Variants in COLEC12 observed in about 807,000 individuals in gnomAD.
COLEC12 encodes collectin-12.
COLEC12 carries 33 observed loss-of-function variants against 71.1 expected under a neutral mutation model. The observed-to-expected ratio is 0.46, with a 90% CI of 0.35 to 0.62. The LOEUF (loss-of-function observed/expected upper bound fraction) is 0.62. Among genes scored for constraint, COLEC12 ranks in the 20% least tolerant of loss-of-function variants. COLEC12 has a pLI of 0.00. For missense variants in COLEC12, 765 were observed against 916.1 expected (o/e 0.84, Z 2.13); for synonymous variants, 350 against 353.0 (o/e 0.99, Z 0.10).
At chr18:499,239 G>A (rs9962486) in intron 1 of COLEC12, among the ~76,000 whole-genome samples, 83,160 of 151,994 alleles carry the variant, frequency 0.55, 23,946 homozygotes, top group African/African-American at 0.72. Context: ...CTCTAGGTAG[G>A]CAGTTGTATC....
chr18:463,589 G>A (rs565856879), intron 2 of COLEC12, among the ~76,000 whole-genome samples: 58 of 152,230 alleles, frequency 3.8e-4, no homozygotes, highest in Middle Eastern at 6.8e-3. Context: ...GCGGGGGCTC[G>A]GCTCTGTTCT....
At chr18:376,664 C>G (rs952531526) in intron 2 of COLEC12, among the ~76,000 whole-genome samples, 14 of 152,256 alleles carry the variant, frequency 9.2e-5, no homozygotes, top group African/African-American at 3.1e-4. Flanking sequence ...TAAATGGGGA[C>G]ACGAGTTTCT....
At chr18:498,765 T>TG (rs1323068810) in intron 1 of COLEC12, among the ~76,000 whole-genome samples, 3 of 152,138 alleles carry the variant, frequency 2.0e-5, no homozygotes, top group Non-Finnish European at 4.4e-5. Flanking sequence ...GGAAAGTGTA[T>TG]GGGGCTTCTG....
chr18:480,771 A>C lies in COLEC12; in HGVS notation c.8-14T>G. 1 of 1,613,478 alleles carries C rather than the reference A, an allele frequency of 6.2e-7. No homozygotes were observed. Among genetic ancestry groups the C allele is most frequent in the Non-Finnish European group, 8.5e-7 (1 of 1,179,362 alleles). On this transcript the variant is annotated splice_polypyrimidine_tract_variant and intron_variant, in intron 1 of 9. Transcript: ENST00000400256. The surrounding 1 kb of genome is among the most constrained non-coding windows in gnomAD (Gnocchi z 4.1). The stretch of plus-strand genomic sequence containing the variant: ...CTGCGAAGTCGTCTGTGAGAGAAGA[A>C]GAGACACGATGTTAATCCTGGCAAG...
chr18:490,930 T>C (rs1917608534), intron 1 of COLEC12, among the ~76,000 whole-genome samples: 1 of 152,250 alleles, frequency 6.6e-6, no homozygotes, highest in East Asian at 1.9e-4. Flanking sequence ...TGAGTACCCA[T>C]TGGTTGCTCT....
At chr18:374,989 C>T (rs867963610) in intron 2 of COLEC12, among the ~76,000 whole-genome samples, 8 of 152,192 alleles carry the variant, frequency 5.3e-5, no homozygotes, top group Admixed American at 3.9e-4. Flanking sequence ...AGTACAATGT[C>T]GACAGTGGAG....
rs185219109 is a variant in COLEC12 at position 382,212 on chromosome 18, T to A, written c.59-24690A>T. Among the ~76,000 whole-genome samples, 652 of 152,336 alleles carry A rather than the reference T, an allele frequency of 4.3e-3. 10 individuals are homozygous for A. The highest frequency in any genetic ancestry group is 6.8e-3 in the Middle Eastern group (2 of 294). On this transcript the variant is annotated intron_variant, in intron 2 of 9. Coordinates refer to ENST00000400256, the MANE Select transcript of COLEC12 (RefSeq NM_130386.3). ...TTATTTCTAGGGCAAACTGTGTCTTTAAATTATCAAAATCTGCCTAATAAT... is the reference window on the plus strand; with the variant it reads ...TTATTTCTAGGGCAAACTGTGTCTTAAAATTATCAAAATCTGCCTAATAAT...
At chr18:488,487 A>C (rs1250466528) in intron 1 of COLEC12, among the ~76,000 whole-genome samples, 1 of 152,240 alleles carries the variant, frequency 6.6e-6, no homozygotes, top group Non-Finnish European at 1.5e-5. Context: ...AAGGGCTGGA[A>C]GATGGAGTCA....
At chr18:436,482 T>C (rs187944510) in intron 2 of COLEC12, among the ~76,000 whole-genome samples, 1 of 109,588 alleles carries the variant, frequency 9.1e-6, no homozygotes, top group Admixed American at 1.4e-4. Flanking sequence ...GCCATTGCAC[T>C]CCAGCCCAGG....
chr18:355,329 G>T (rs1373635672), intron 3 of COLEC12, among the ~76,000 whole-genome samples: 3 of 152,036 alleles, frequency 2.0e-5, no homozygotes, highest in Admixed American at 6.6e-5. Flanking sequence ...TTCGGGAGCT[G>T]CCATGTGTCT....
chr18:449,771 C>T (rs963362826), intron 2 of COLEC12, among the ~76,000 whole-genome samples: 3 of 152,194 alleles, frequency 2.0e-5, no homozygotes, highest in Non-Finnish European at 4.4e-5. Context: ...CCTCATGGGG[C>T]CCTTCTGACA....
intron 2 of COLEC12, among the ~76,000 whole-genome samples, chr18:411,039 AC>A (rs1423346237): frequency 1.3e-5 from 2 of 152,082 alleles, no homozygotes; most frequent in Non-Finnish European, 2.9e-5. Flanking sequence ...TAATGGAGCC[AC>A]CCCTACTGCG....
At chr18:334,622 T>C in intron 6 of COLEC12, 120 bp downstream of exon 6, 1 of 879,782 alleles carries the variant, frequency 1.1e-6, no homozygotes, top group South Asian at 3.3e-5. Flanking sequence ...AGTGAGACCC[T>C]GTCTCAAAAC....
intron 2 of COLEC12, among the ~76,000 whole-genome samples, chr18:456,927 C>CT (rs1476132487): frequency 6.6e-6 from 1 of 152,206 alleles, no homozygotes; most frequent in African/African-American, 2.4e-5. Flanking sequence ...GCCCCGTACT[C>CT]TGTCTCCTTG....
At chr18:456,538 C>T (rs966495907) in intron 2 of COLEC12, among the ~76,000 whole-genome samples, 3 of 152,168 alleles carry the variant, frequency 2.0e-5, no homozygotes, top group Non-Finnish European at 2.9e-5. Context: ...TCTGCGTTAC[C>T]GACGATCTGT....
intron 8 of COLEC12, among the ~76,000 whole-genome samples, chr18:329,863 A>G (rs1054449677): frequency 1.3e-5 from 2 of 152,166 alleles, no homozygotes; most frequent in Non-Finnish European, 2.9e-5. Context: ...GGATCACTTG[A>G]GGCTAGGAGT....
chr18:496,329 A>G lies in COLEC12; in HGVS notation c.7+4179T>C, dbSNP rs147282492. Among the ~76,000 whole-genome samples, 86 of 152,338 alleles carry G rather than the reference A, an allele frequency of 5.6e-4. No homozygotes were observed. The East Asian group carries it at 0.015, about 26-fold the overall frequency. Reference sequence around the variant, plus strand: ...GGAAATTGCATAGGAGACCACAGAGAAGATGTATACTTAGCAATAATTAAA... The same window carrying G: ...GGAAATTGCATAGGAGACCACAGAGGAGATGTATACTTAGCAATAATTAAA... On this transcript the variant is annotated intron_variant, in intron 1 of 9. Coordinates refer to ENST00000400256, the MANE Select transcript of COLEC12 (RefSeq NM_130386.3).
chr18:459,113 T>C (rs953823374), intron 2 of COLEC12, among the ~76,000 whole-genome samples: 1 of 152,182 alleles, frequency 6.6e-6, no homozygotes, highest in Non-Finnish European at 1.5e-5. Context: ...TTGGCCTCTT[T>C]AGCAGCCGGG....
intron 1 of COLEC12, among the ~76,000 whole-genome samples, chr18:482,613 CT>C (rs1917444049): frequency 1.3e-5 from 2 of 151,982 alleles, no homozygotes; most frequent in South Asian, 4.2e-4. Context: ...TTTATCTTGA[CT>C]TTCTTTTGTT....
Sources: gnomAD v4.1 joint callset for allele counts (sites outside exome capture counted in the v4.1 genomes callset) on GRCh38, gnomAD v4.1.1 for gene constraint, Gnocchi (gnomAD v3.1) non-coding constraint, MANE v1.5 for transcripts, NCBI Gene and HGNC (gene_info 2026-07-23, HGNC 2026-07-21) for gene names.